Variants in SCMH1 observed in about 807,000 individuals in gnomAD.
The protein encoded by SCMH1 is Scm polycomb group protein homolog 1, also known as polycomb protein SCMH1.
A neutral mutation model predicts 70.8 loss-of-function variants in SCMH1; 37 were observed. That is an observed-to-expected ratio of 0.52 (90% CI 0.40 to 0.69). SCMH1 has a LOEUF of 0.69. Ranked by LOEUF, SCMH1 falls within the 30% of genes least tolerant of loss-of-function variation. SCMH1 has a pLI of 0.00. For synonymous variants in SCMH1, 292 were observed against 307.4 expected, an observed-to-expected ratio of 0.95 and a Z score of 0.52; for missense variants, 607 against 827.3, an observed-to-expected ratio of 0.73 and a Z score of 3.27.
chr1:41,122,573 A>G (rs1026576811), intron 6 of SCMH1, among the ~76,000 whole-genome samples: 12 of 152,204 alleles, frequency 7.9e-5, no homozygotes, highest in Non-Finnish European at 1.6e-4. Context: ...CCAAGAATTG[A>G]TGAACGCTTT....
intron 6 of SCMH1, among the ~76,000 whole-genome samples, chr1:41,142,025 AC>A: frequency 6.6e-6 from 1 of 152,358 alleles, no homozygotes; most frequent in Admixed American, 6.5e-5. Flanking sequence ...GAAAGTGTAT[AC>A]AAGTATAGAT....
intron 4 of SCMH1, among the ~76,000 whole-genome samples, chr1:41,159,022 A>G (rs781170637): frequency 1.3e-5 from 2 of 152,202 alleles, no homozygotes; most frequent in African/African-American, 2.4e-5. Flanking sequence ...CAAAAACTTG[A>G]GGAGTTCAAG....
At chr1:41,206,604 T>C (rs947795079) in intron 1 of SCMH1, among the ~76,000 whole-genome samples, 3 of 152,188 alleles carry the variant, frequency 2.0e-5, no homozygotes, top group African/African-American at 7.2e-5. Context: ...TGGAACCAAG[T>C]TGGAAAACAC....
intron 8 of SCMH1, among the ~76,000 whole-genome samples, chr1:41,112,498 T>C (rs1669493134): frequency 6.6e-6 from 1 of 152,150 alleles, no homozygotes. Context: ...TGTGACACTA[T>C]TCTAGTACTT....
intron 1 of SCMH1, among the ~76,000 whole-genome samples, chr1:41,235,985 TCTTTTA>T (rs1662297703): frequency 6.6e-6 from 1 of 152,236 alleles, no homozygotes; most frequent in Non-Finnish European, 1.5e-5. Context: ...ATATTTTCAT[TCTTTTA>T]CTGACAGGCA....
chr1:41,069,446 G>A (rs1045361083), intron 10 of SCMH1, among the ~76,000 whole-genome samples: 1 of 152,176 alleles, frequency 6.6e-6, no homozygotes, highest in Admixed American at 6.5e-5. Flanking sequence ...TACGAGGTAT[G>A]TTTGTTTTGT....
chr1:41,161,270 T>A, intron 3 of SCMH1, 94 bp downstream of exon 3: 2 of 1,530,858 alleles, frequency 1.3e-6, no homozygotes, highest in Non-Finnish European at 1.8e-6. Context: ...ACAATTGAGT[T>A]ATTTGTAAAC....
chr1:41,102,172 CAT>C (rs1491305040), intron 8 of SCMH1, among the ~76,000 whole-genome samples: 2 of 149,332 alleles, frequency 1.3e-5, no homozygotes, highest in Admixed American at 6.7e-5. Context: ...CATGCACACG[CAT>C]GTGTGTGTGT....
At chr1:41,145,250 T>C (rs1046473928) in intron 5 of SCMH1, among the ~76,000 whole-genome samples, 1 of 152,180 alleles carries the variant, frequency 6.6e-6, no homozygotes, top group African/African-American at 2.4e-5. Context: ...AATTTTTGTA[T>C]ATGGCATAGA....
chr1:41,044,088 G>A (rs556457555), intron 12 of SCMH1, among the ~76,000 whole-genome samples: 1 of 152,234 alleles, frequency 6.6e-6, no homozygotes, highest in South Asian at 2.1e-4. Context: ...ACTTAGGTAG[G>A]AAAGCTTAAT....
chr1:41,096,900 G>C (rs905050748), intron 8 of SCMH1, among the ~76,000 whole-genome samples: 2 of 152,140 alleles, frequency 1.3e-5, no homozygotes, highest in African/African-American at 4.8e-5. Flanking sequence ...CTGCTAAAGG[G>C]ATTACACACA....
intron 4 of SCMH1, among the ~76,000 whole-genome samples, chr1:41,154,823 A>C (rs1490043558): frequency 6.6e-6 from 1 of 152,228 alleles, no homozygotes; most frequent in African/African-American, 2.4e-5. Context: ...ATATTCAAAC[A>C]GTATAATTTG....
chr1:41,157,987 T>C (rs1645695767), intron 4 of SCMH1, among the ~76,000 whole-genome samples: 1 of 152,212 alleles, frequency 6.6e-6, no homozygotes, highest in Non-Finnish European at 1.5e-5. Context: ...AGCACACAAG[T>C]AATATTCCTA....
chr1:41,147,504 ATG>A (rs1453767241), intron 5 of SCMH1, among the ~76,000 whole-genome samples: 1 of 152,154 alleles, frequency 6.6e-6, no homozygotes, highest in East Asian at 1.9e-4. Context: ...CTTGGAAAGA[ATG>A]TGTATCTACA....
chr1:41,106,814 C>T (rs1557466069), intron 8 of SCMH1, among the ~76,000 whole-genome samples: 1 of 151,782 alleles, frequency 6.6e-6, no homozygotes, highest in African/African-American at 2.4e-5. Context: ...CTCAGCCTCC[C>T]GAGTAGCAGG....
chr1:41,163,367 T>G (rs960558903), intron 2 of SCMH1, among the ~76,000 whole-genome samples: 1 of 152,150 alleles, frequency 6.6e-6, no homozygotes, highest in African/African-American at 2.4e-5. Context: ...AGATCCAGGC[T>G]GATAGCATGA....
At chr1:41,104,402 A>G (rs1367273135) in intron 8 of SCMH1, among the ~76,000 whole-genome samples, 5 of 152,198 alleles carry the variant, frequency 3.3e-5, no homozygotes, top group Admixed American at 2.6e-4. Flanking sequence ...TGGACACAAT[A>G]TATCTGAGAG....
intron 6 of SCMH1, among the ~76,000 whole-genome samples, chr1:41,122,233 C>T (rs1672126015): frequency 6.6e-6 from 1 of 152,298 alleles, no homozygotes; most frequent in Non-Finnish European, 1.5e-5. Flanking sequence ...CATTACTCAT[C>T]TCTTATCACT....
intron 6 of SCMH1, among the ~76,000 whole-genome samples, chr1:41,120,985 T>C (rs536258881): frequency 1.4e-4 from 21 of 152,334 alleles, no homozygotes; most frequent in African/African-American, 4.8e-4. Context: ...ACTACTACTA[T>C]TCTGAATCAG....
Sources: gnomAD v4.1 joint callset for allele counts (sites outside exome capture counted in the v4.1 genomes callset) on GRCh38, gnomAD v4.1.1 for gene constraint, MANE v1.5 for transcripts, NCBI Gene and HGNC (gene_info 2026-07-23, HGNC 2026-07-21) for gene names.